Variants in LZIC observed in about 807,000 individuals in gnomAD.
LZIC encodes the protein leucine zipper and CTNNBIP1 domain containing, also known as protein LZIC.
Under a neutral mutation model 25.4 loss-of-function variants are expected in LZIC, and 28 were observed. The ratio of observed to expected loss-of-function variants is 1.10; its 90% CI spans 0.82 to 1.51. The LOEUF (loss-of-function observed/expected upper bound fraction) is 1.51. LZIC is among the 40% of genes most tolerant of loss of function. LZIC has a pLI of 0.00. For missense variants in LZIC, 170 were observed against 211.1 expected, an observed-to-expected ratio of 0.81 and a Z score of 1.21; for synonymous variants, 65 against 70.7, an observed-to-expected ratio of 0.92 and a Z score of 0.40.
chr1:9,931,198 C>T (rs1455366799), intron 7 of LZIC, among the ~76,000 whole-genome samples: 1 of 152,058 alleles, frequency 6.6e-6, no homozygotes, highest in African/African-American at 2.4e-5. Flanking sequence ...TCTCAAGTAG[C>T]TAGAACTGTA....
At position 9,931,899 on chromosome 1, in the gene LZIC, G is replaced by A. The variant is rs1640227762; in HGVS notation, c.506C>T (p.Thr169Ile). 4.3e-6 allele frequency: 7 copies of A among 1,612,730 alleles called. No individual in the cohort carries two copies. Among genetic ancestry groups the A allele is most frequent in the Non-Finnish European group, 5.9e-6 (7 of 1,178,988 alleles). ...AILSQFEKVS[T>I]DLGSGDKILA... is the part of the protein sequence containing the mutation. The stretch of plus-strand genomic sequence containing the variant: ...AATATGAGGGCACTCACCAAGGTCT[G>A]TAGAGACTTTCTCAAACTGGCTGAG... Residue 169 changes from threonine to isoleucine, a missense_variant, in exon 7 of 8, where the codon ACA becomes ATA. Coordinates refer to ENST00000377223, the MANE Select transcript of LZIC (RefSeq NM_032368.5).
Position 9,929,208 on chromosome 1 carries a change from T to C in LZIC, c.*1191A>G, listed in dbSNP as rs1640113010. The C allele has an allele frequency of 1.7e-6, 1 of 579,322 alleles. No individual in the cohort carries two copies. Among genetic ancestry groups the C allele is most frequent in the Non-Finnish European group, 2.2e-6 (1 of 458,974 alleles). 35.9% of individuals were successfully genotyped at this position (579,322 alleles called of 1,614,324 possible). On this transcript the variant is annotated 3_prime_UTR_variant, in exon 8 of 8. Coordinates refer to ENST00000377223, the MANE Select transcript of LZIC (RefSeq NM_032368.5). Reference sequence around the variant, plus strand: ...AATTTCACCTCTTTTAAGTTCCAAATAAGGCATCAGTGTAGCGGAGGTCCT... The same window carrying C: ...AATTTCACCTCTTTTAAGTTCCAAACAAGGCATCAGTGTAGCGGAGGTCCT...
intron 5 of LZIC, 107 bp downstream of exon 5, chr1:9,934,655 G>A (rs1416087190): frequency 1.1e-5 from 9 of 846,364 alleles, no homozygotes; most frequent in Non-Finnish European, 1.6e-5. Flanking sequence ...ATTGTTAGTT[G>A]TGGCTCTAAA....
chr1:9,929,247 T>C lies in LZIC; in HGVS notation c.*1152A>G, dbSNP rs1640114413. 6 of 931,804 alleles carry C rather than the reference T, an allele frequency of 6.4e-6. No individual in the cohort carries two copies. In the African/African-American group the frequency reaches 8.9e-5, roughly 14 times the overall value. 57.7% of individuals were successfully genotyped at this position (931,804 alleles called of 1,614,324 possible). On this transcript the variant is annotated 3_prime_UTR_variant, in exon 8 of 8. Coordinates refer to ENST00000377223, the MANE Select transcript of LZIC (RefSeq NM_032368.5). ...AGCGGAGGTCCTCTAATCTGTCTGG[T>C]TGGCAAAGCACCTAGTAGTTTACAG...
chr1:9,935,883 A>G (rs1053296050), intron 3 of LZIC, among the ~76,000 whole-genome samples: 3 of 152,122 alleles, frequency 2.0e-5, no homozygotes, highest in Middle Eastern at 3.2e-3. Flanking sequence ...TAATCCCAGC[A>G]CTTTGGAAGG....
chr1:9,929,742 G>A lies in LZIC; in HGVS notation c.*657C>T. Reference sequence around the variant, plus strand: ...CTTAGTGTGCAGTCCACTTTTTATTGGGACACTGAATTTTCAAAAACACTG... The same window carrying A: ...CTTAGTGTGCAGTCCACTTTTTATTAGGACACTGAATTTTCAAAAACACTG... On this transcript the variant is annotated 3_prime_UTR_variant, in exon 8 of 8. Coordinates refer to ENST00000377223, the MANE Select transcript of LZIC (RefSeq NM_032368.5). The A allele has an allele frequency of 2.0e-6, 2 of 985,202 alleles. No individual in the cohort carries two copies. The highest frequency in any genetic ancestry group is 2.4e-6 in the Non-Finnish European group (2 of 829,798). The allele number at this position is 985,202 out of a possible 1,614,324, so 61.0% of individuals were successfully genotyped here. A position where few individuals can be genotyped will look rare whatever the true frequency, so the allele number is the denominator to read the frequency against.
At position 9,929,796 on chromosome 1, in the gene LZIC, T is replaced by C. The variant is rs1219902484; in HGVS notation, c.*603A>G. The C allele has an allele frequency of 1.0e-6, 1 of 984,722 alleles. No homozygotes were observed. Among genetic ancestry groups the C allele is most frequent in the East Asian group, 1.1e-4 (1 of 8,830 alleles). The allele number at this position is 984,722 out of a possible 1,614,324, so 61.0% of individuals were successfully genotyped here. A position where few individuals can be genotyped will look rare whatever the true frequency, so the allele number is the denominator to read the frequency against. On this transcript the variant is annotated 3_prime_UTR_variant, in exon 8 of 8. Coordinates refer to ENST00000377223, the MANE Select transcript of LZIC (RefSeq NM_032368.5). ...TGCACAAATAGTGTTAATTATTTTT[T>C]TTAAATGGTACAGAAATAAAATTCA... is the stretch of plus-strand genomic sequence containing the variant.
rs1391289691 is a variant in LZIC, at chr1:9,927,042, T to G, written c.*3357A>C. Among the ~76,000 whole-genome samples, 1 of 152,140 alleles carries G rather than the reference T, an allele frequency of 6.6e-6. No individual in the cohort carries two copies. Among genetic ancestry groups the G allele is most frequent in the African/African-American group, 2.4e-5 (1 of 41,436 alleles). ...CAGAGGGGAATGCATAATAATCCTA[T>G]GAGGTAGGCCCTATTATCCTCATTG... is the stretch of plus-strand genomic sequence containing the variant. On this transcript the variant is annotated 3_prime_UTR_variant, in exon 8 of 8. Coordinates refer to ENST00000377223, the MANE Select transcript of LZIC (RefSeq NM_032368.5).
downstream of LZIC, among the ~76,000 whole-genome samples, chr1:9,923,548 G>A (rs1639911274): frequency 2.8e-5 from 3 of 108,794 alleles, no homozygotes; most frequent in Admixed American, 1.0e-4. Context: ...TTTTTTTTAA[G>A]AGATGGGGTC....
rs1321519397 is a variant in LZIC at position 9,942,708 on chromosome 1, T to C, written c.-93A>G. 2.3e-6 allele frequency: 3 copies of C among 1,289,006 alleles called. No individual in the cohort carries two copies. Among genetic ancestry groups the C allele is most frequent in the Non-Finnish European group, 2.0e-6 (2 of 988,628 alleles). The allele number at this position is 1,289,006 out of a possible 1,614,324, so 79.8% of individuals were successfully genotyped here. ...CCAGTTCTTGACGTTCCGAGTGTCA[T>C]AAACTTGAGGAAAATGAAATTATTC... On this transcript the variant is annotated 5_prime_UTR_variant, in exon 2 of 8. The change abolishes an upstream ATG in the 5' untranslated region. Coordinates refer to ENST00000377223, the MANE Select transcript of LZIC (RefSeq NM_032368.5).
At chr1:9,940,947 C>T (rs568536688) in intron 2 of LZIC, among the ~76,000 whole-genome samples, 2 of 152,296 alleles carry the variant, frequency 1.3e-5, no homozygotes, top group African/African-American at 4.8e-5. Flanking sequence ...CAAGATGTAA[C>T]TGACAATGTC....
downstream of LZIC, among the ~76,000 whole-genome samples, chr1:9,923,273 A>G (rs980032600): frequency 6.6e-6 from 1 of 152,114 alleles, no homozygotes; most frequent in Non-Finnish European, 1.5e-5. Context: ...CTGAGGTATG[A>G]TCTTGGCTCA....
rs1270849840 is a variant in LZIC, at chr1:9,942,619, C to G, written c.-9+5G>C. 1.6e-6 allele frequency: 2 copies of G among 1,272,048 alleles called. No individual in the cohort carries two copies. The highest frequency in any genetic ancestry group is 3.1e-5 in the African/African-American group (2 of 65,414). 78.8% of individuals were successfully genotyped at this position (1,272,048 alleles called of 1,614,324 possible). A position where few individuals can be genotyped will look rare whatever the true frequency, so the allele number is the denominator to read the frequency against. The stretch of plus-strand genomic sequence containing the variant: ...CTGGAGCGGAGGGTCCTCATTCATG[C>G]TCACCTGTCTCTTAGTACTCTGATC... On this transcript the variant is annotated splice_donor_5th_base_variant and intron_variant, in intron 2 of 7. Coordinates refer to ENST00000377223, the MANE Select transcript of LZIC (RefSeq NM_032368.5).
At chr1:9,924,163 G>A (rs1639925596), downstream of LZIC, among the ~76,000 whole-genome samples, 1 of 152,242 alleles carries the variant, frequency 6.6e-6, no homozygotes, top group African/African-American at 2.4e-5. Flanking sequence ...TGGGATTACA[G>A]GCATGAGCCA....
At position 9,934,762 on chromosome 1, in the gene LZIC, C is replaced by A; in HGVS notation, c.336G>T (p.Glu112Asp). Residue 112 changes from glutamate to aspartate, a missense_variant and splice_region_variant, in exon 5 of 8, where the codon GAG (glutamate) becomes GAT (aspartate). Transcript: ENST00000377223. ...CCAAATCAATTTAAAGAAATTTTAC[C>A]TCTGCTAACCTTGTCCGAAGCTGAC... ...QPGQLRTRLA[E>D]MDRDLMVGKL... The A allele has an allele frequency of 6.2e-7, 1 of 1,612,116 alleles. No homozygotes were observed. The highest frequency in any genetic ancestry group is 8.5e-7 in the Non-Finnish European group (1 of 1,178,618).
intron 2 of LZIC, among the ~76,000 whole-genome samples, chr1:9,941,473 G>T (rs1455754607): frequency 6.6e-6 from 1 of 150,402 alleles, no homozygotes; most frequent in African/African-American, 2.5e-5. Flanking sequence ...GGGATTACAG[G>T]TGTAAGCTAT....
At chr1:9,925,886 C>CT (rs70998325), downstream of LZIC, among the ~76,000 whole-genome samples, 1,246 of 43,464 alleles carry the variant, frequency 0.029, 97 homozygotes, top group African/African-American at 0.078. Context: ...CCACTCATGC[C>CT]TTTTTTTTTT....
chr1:9,935,384 C>T, intron 4 of LZIC, 108 bp downstream of exon 4: 1 of 1,156,520 alleles, frequency 8.6e-7, no homozygotes, highest in Non-Finnish European at 1.2e-6. Flanking sequence ...GCCAAGACTG[C>T]CCCACTGCAC....
intron 2 of LZIC, among the ~76,000 whole-genome samples, chr1:9,937,809 C>T (rs1640524826): frequency 7.4e-6 from 1 of 134,402 alleles, no homozygotes; most frequent in African/African-American, 2.7e-5. Context: ...GATCTTGCCA[C>T]TCCACTCTGG....
Sources: allele counts gnomAD v4.1 joint callset (sites outside exome capture counted in the v4.1 genomes callset), GRCh38; gene constraint gnomAD v4.1.1; transcripts MANE v1.5; gene names NCBI Gene and HGNC (gene_info 2026-07-23, HGNC 2026-07-21).